Variants in LDB3 observed in about 807,000 individuals in gnomAD.
LDB3 encodes LIM domain binding 3.
A neutral mutation model predicts 69.0 loss-of-function variants in LDB3; 49 were observed. That is an observed-to-expected ratio of 0.71 (90% CI 0.56 to 0.90). LDB3 has a LOEUF of 0.90. Ranked by LOEUF, LDB3 falls within the 40% of genes least tolerant of loss-of-function variation. LDB3 has a pLI of 0.00. For synonymous variants in LDB3, 387 were observed against 396.2 expected (o/e 0.98, Z 0.28); for missense variants, 928 against 974.1 (o/e 0.95, Z 0.63).
At chr10:86,667,066 C>T (rs1233827771), upstream of LDB3, among the ~76,000 whole-genome samples, 1 of 152,116 alleles carries the variant, frequency 6.6e-6, no homozygotes, top group East Asian at 1.9e-4. Flanking sequence ...TGCTGGCCTC[C>T]TGGGCTGGGC....
At chr10:86,711,672 T>C (rs1282032709) in intron 9 of LDB3, among the ~76,000 whole-genome samples, 2 of 151,434 alleles carry the variant, frequency 1.3e-5, no homozygotes, top group South Asian at 4.2e-4. Flanking sequence ...CGGGGCCTCC[T>C]CCGGGCCGAG....
upstream of LDB3, among the ~76,000 whole-genome samples, chr10:86,667,507 G>A (rs901613327): frequency 6.6e-6 from 1 of 152,238 alleles, no homozygotes; most frequent in African/African-American, 2.4e-5. Context: ...CACTGTCTCT[G>A]GGGTACAGGC....
chr10:86,707,036 A>G (rs1419855704), intron 8 of LDB3, among the ~76,000 whole-genome samples: 2 of 148,574 alleles, frequency 1.3e-5, no homozygotes, highest in Admixed American at 6.7e-5. Flanking sequence ...ACAGACACAT[A>G]CACACACTCA....
chr10:86,683,217 G>A (rs1421513725), intron 5 of LDB3, among the ~76,000 whole-genome samples: 2 of 152,182 alleles, frequency 1.3e-5, no homozygotes, highest in African/African-American at 4.8e-5. Context: ...CTGCAATGAT[G>A]ATAATGTCTC....
intron 5 of LDB3, chr10:86,686,950 TG>T: frequency 1.1e-6 from 1 of 906,892 alleles, no homozygotes; most frequent in Non-Finnish European, 1.8e-6. Flanking sequence ...GCCTCGGCTC[TG>T]GGAGATCTCT....
chr10:86,694,783 CA>C (rs1257548609), intron 7 of LDB3, among the ~76,000 whole-genome samples: 2 of 152,198 alleles, frequency 1.3e-5, no homozygotes, highest in Non-Finnish European at 2.9e-5. Context: ...GGCTCACCTA[CA>C]TCACTATCTG....
intron 9 of LDB3, among the ~76,000 whole-genome samples, chr10:86,715,221 G>A (rs1846822396): frequency 6.6e-6 from 1 of 152,186 alleles, no homozygotes; most frequent in African/African-American, 2.4e-5. Flanking sequence ...AGTCCATCCT[G>A]CCCATACTGA....
At chr10:86,732,496 C>CTGTT (rs71487280) in intron 13 of LDB3, 281 of 455,506 alleles carry the variant, frequency 6.2e-4, no homozygotes, top group African/African-American at 4.6e-3. Context: ...TGGGGCAAGG[C>CTGTT]TGTTTGTTTG....
At chr10:86,729,453 G>T (rs1847382995) in intron 13 of LDB3, among the ~76,000 whole-genome samples, 1 of 152,188 alleles carries the variant, frequency 6.6e-6, no homozygotes, top group South Asian at 2.1e-4. Flanking sequence ...GTGGGTATCA[G>T]GAGGGGATGG....
intron 7 of LDB3, among the ~76,000 whole-genome samples, chr10:86,692,832 G>A (rs1219375702): frequency 6.6e-6 from 1 of 152,226 alleles, no homozygotes; most frequent in South Asian, 2.1e-4. Context: ...TCCCTGGGCA[G>A]GGGGCAGGGC....
chr10:86,732,971 T>C lies in LDB3; in HGVS notation c.2179T>C (p.Leu727=), dbSNP rs777876844. The C allele has an allele frequency of 3.7e-6, 6 of 1,612,936 alleles. No homozygotes were observed. The highest frequency in any genetic ancestry group is 1.3e-5 in the African/African-American group (1 of 74,920). Residue 727 remains leucine (L), a synonymous_variant, in exon 14 of 14, where the codon TTG becomes CTG. Transcript: ENST00000361373. ...LCKKHAHTIN[L] is the part of the protein sequence containing the mutation. ...CAAGAAGCACGCACACACCATCAAC[T>C]TGTAGGCGGCCAAGGCCGCCTGTGC... is the stretch of plus-strand genomic sequence containing the variant.
chr10:86,710,971 G>C (rs757059555), intron 9 of LDB3, among the ~76,000 whole-genome samples: 7 of 152,226 alleles, frequency 4.6e-5, no homozygotes, highest in Non-Finnish European at 8.8e-5. Context: ...CACGGGAGGT[G>C]CCCTTCTCTG....
intron 9 of LDB3, among the ~76,000 whole-genome samples, chr10:86,710,958 T>A (rs1846629371): frequency 6.6e-6 from 1 of 152,172 alleles, no homozygotes; most frequent in Non-Finnish European, 1.5e-5. Flanking sequence ...ACAGCGTCTG[T>A]CACACGGGAG....
At chr10:86,675,000 C>G (rs1264677955) in intron 2 of LDB3, among the ~76,000 whole-genome samples, 2 of 152,162 alleles carry the variant, frequency 1.3e-5, no homozygotes, top group Non-Finnish European at 2.9e-5. Context: ...CCCCAGCCCC[C>G]ACCCTGAGGG....
At position 86,681,492 on chromosome 10, in the gene LDB3, GAGGGCCAGCCCA is replaced by G; in HGVS notation, c.379_390del (p.Arg127_Pro130del). 6.2e-7 allele frequency: 1 copy of G among 1,609,794 alleles called. No individual in the cohort carries two copies. Among genetic ancestry groups the G allele is most frequent in the South Asian group, 1.1e-5 (1 of 91,042 alleles). Reference sequence around the variant, plus strand: ...TGGCACCCAGCCCCAGCCCTGAGGCGAGGGCCAGCCCAGGCACCCCAGGCACCCCGGAGCTCA... The same window carrying G: ...TGGCACCCAGCCCCAGCCCTGAGGCGGGCACCCCAGGCACCCCGGAGCTCA... On this transcript the variant is annotated inframe_deletion, in exon 5 of 14. Transcript: ENST00000361373.
rs1589676711 is a variant in LDB3 at position 86,718,039 on chromosome 10, G to C, written c.1752G>C (p.Leu584=). 1.2e-6 allele frequency: 2 copies of C among 1,614,174 alleles called. No homozygotes were observed. Among genetic ancestry groups the C allele is most frequent in the Non-Finnish European group, 1.7e-6 (2 of 1,180,024 alleles). The change falls in exon 11 of 14, where the codon CTG becomes CTC. Residue 584 remains leucine, a synonymous_variant. Transcript: ENST00000361373. ...EFTCAYCKTS[L]ADVCFVEEQN... is the part of the protein sequence containing the mutation. ...CCTGTGCCTACTGCAAGACTTCCCTGGCAGATGTGTGCTTTGTGGAAGAGC... is the reference window on the plus strand; with the variant it reads ...CCTGTGCCTACTGCAAGACTTCCCTCGCAGATGTGTGCTTTGTGGAAGAGC...
Position 86,689,267 on chromosome 10 carries a change from C to T in LDB3, c.690-2629C>T, listed in dbSNP as rs1463842384. 4.6e-5 allele frequency among the ~76,000 whole-genome samples: 7 copies of T among 152,246 alleles called. No individual in the cohort carries two copies. In the East Asian group the frequency reaches 1.4e-3, roughly 29 times the overall value. ...TTTTCCTCTGCTTGGCAGGGCGTCA[C>T]CGCTGGCGTAAGTAGACCCTGCAGT... On this transcript the variant is annotated intron_variant, in intron 5 of 13. Coordinates refer to ENST00000361373, the MANE Select transcript of LDB3 (RefSeq NM_007078.3).
At chr10:86,668,415 G>A (rs1472643586), upstream of LDB3, 1 of 533,034 alleles carries the variant, frequency 1.9e-6, no homozygotes, top group Non-Finnish European at 3.5e-6. Flanking sequence ...GGACCGGCTG[G>A]GAGGCGGCAG....
intron 2 of LDB3, among the ~76,000 whole-genome samples, chr10:86,675,521 C>T (rs1044847915): frequency 2.5e-4 from 38 of 152,366 alleles, no homozygotes; most frequent in African/African-American, 7.7e-4. Context: ...TGCAGGGGGA[C>T]GACCCCTTCT....
Sources: gnomAD v4.1 joint callset for allele counts (sites outside exome capture counted in the v4.1 genomes callset) on GRCh38, gnomAD v4.1.1 for gene constraint, MANE v1.5 for transcripts, NCBI Gene and HGNC (gene_info 2026-07-23, HGNC 2026-07-21) for gene names.